PTPRD: variants seen among roughly 807,000 people sequenced by gnomAD.
PTPRD encodes the protein receptor-type tyrosine-protein phosphatase delta.
Under a neutral mutation model 214.5 loss-of-function variants are expected in PTPRD, and 34 were observed. That is an observed-to-expected ratio of 0.16 (90% CI 0.12 to 0.21). The LOEUF (loss-of-function observed/expected upper bound fraction) is 0.21, where lower values mean the gene tolerates loss of function less well. PTPRD is among the 10% of genes least tolerant of loss of function. The probability of loss-of-function intolerance (pLI) is 1.00; values close to 1 mark genes in which losing one functional copy is unlikely to be tolerated. For missense variants in PTPRD, 2,545 were observed against 2,398.7 expected (o/e 1.06, Z -1.27); for synonymous variants, 1,128 against 845.7 (o/e 1.33, Z -5.79).
intron 9 of PTPRD, among the ~76,000 whole-genome samples, chr9:9,329,728 G>A (rs868521077): frequency 4.6e-5 from 7 of 152,254 alleles, no homozygotes; most frequent in Non-Finnish European, 1.0e-4. Flanking sequence ...ATGATTTAGA[G>A]GTTTGGTTCT....
At chr9:9,486,914 C>T (rs953987908) in intron 8 of PTPRD, among the ~76,000 whole-genome samples, 1 of 152,128 alleles carries the variant, frequency 6.6e-6, no homozygotes, top group African/African-American at 2.4e-5. Flanking sequence ...AGACACTTCA[C>T]CCGCTCTTAT....
intron 10 of PTPRD, among the ~76,000 whole-genome samples, chr9:9,167,241 T>C (rs111387622): frequency 3.9e-5 from 6 of 152,130 alleles, no homozygotes; most frequent in African/African-American, 1.4e-4. Flanking sequence ...ACCATAGTAA[T>C]GCTCTTCCAT....
intron 2 of PTPRD, among the ~76,000 whole-genome samples, chr9:10,371,037 T>C (rs1207121662): frequency 1.3e-5 from 2 of 152,062 alleles, no homozygotes; most frequent in Admixed American, 6.6e-5. Flanking sequence ...TTTAAAGTTA[T>C]AATGAAAAGC....
intron 25 of PTPRD, 57 bp from the exon 26 acceptor site, chr9:8,497,325 A>G: frequency 1.4e-6 from 2 of 1,429,598 alleles, no homozygotes; most frequent in Admixed American, 4.3e-5. Flanking sequence ...AAGAATTTAA[A>G]GCCTTATACA....
chr9:9,099,014 G>T (rs990472262), intron 10 of PTPRD, among the ~76,000 whole-genome samples: 4 of 152,182 alleles, frequency 2.6e-5, no homozygotes, highest in African/African-American at 9.7e-5. Context: ...AAAATTGAAT[G>T]GGTAATTCTT....
chr9:10,147,791 A>T (rs2099033734), intron 3 of PTPRD, among the ~76,000 whole-genome samples: 1 of 152,138 alleles, frequency 6.6e-6, no homozygotes, highest in African/African-American at 2.4e-5. Flanking sequence ...CAGGCAAGAG[A>T]ATTGCTTGAA....
chr9:10,560,993 G>A (rs550816207), intron 2 of PTPRD, among the ~76,000 whole-genome samples: 8 of 152,206 alleles, frequency 5.3e-5, no homozygotes, highest in East Asian at 3.9e-4. Flanking sequence ...AATTCTGTTC[G>A]GATAAAGTGT....
At chr9:10,352,958 A>G (rs565432031) in intron 2 of PTPRD, among the ~76,000 whole-genome samples, 1 of 152,054 alleles carries the variant, frequency 6.6e-6, no homozygotes, top group East Asian at 1.9e-4. Context: ...CTTATATTCA[A>G]CAGTTTTTGG....
At position 8,521,529 on chromosome 9, in the gene PTPRD, T is replaced by C; in HGVS notation, c.709A>G (p.Arg237Gly). Residue 237 changes from arginine to glycine, a missense_variant, in exon 20 of 46, where the codon AGA becomes GGA. Arg to Gly is a moderately radical substitution (Grantham distance 125). Coordinates refer to ENST00000381196, the MANE Select transcript of PTPRD (RefSeq NM_002839.4). ...TGATTAGTGGGTGGGATAGAGAATC[T>C]TGGTGGGACACGGCGAACTGGAACA... ...ELREVRRVPP[R>G]FSIPPTNHEI... 1 of 1,613,706 alleles carries C rather than the reference T, an allele frequency of 6.2e-7. No homozygotes were observed. The highest frequency in any genetic ancestry group is 8.5e-7 in the Non-Finnish European group (1 of 1,179,746).
intron 4 of PTPRD, among the ~76,000 whole-genome samples, chr9:10,016,106 T>C (rs2096706562): frequency 6.6e-6 from 1 of 152,156 alleles, no homozygotes; most frequent in Admixed American, 6.6e-5. Flanking sequence ...TTAAATCATA[T>C]GTGGTTGGTA....
At position 8,427,657 on chromosome 9, in the gene PTPRD, A is replaced by C. The variant is rs537209365; in HGVS notation, c.4086+8935T>G. On this transcript the variant is annotated intron_variant, in intron 35 of 45. Transcript: ENST00000381196. ...AAGTTTCCATTTCTTTCAGTCTTTT[A>C]TTCTTCTTCTTCTTATTGTTATGAT... 1.5e-4 allele frequency among the ~76,000 whole-genome samples: 23 copies of C among 152,046 alleles called. No individual in the cohort carries two copies. The East Asian group carries it at 3.3e-3, about 22-fold the overall frequency.
At position 9,895,985 on chromosome 9, in the gene PTPRD, A is replaced by C. The variant is rs565310364; in HGVS notation, c.-368+42522T>G. 8.5e-5 allele frequency among the ~76,000 whole-genome samples: 13 copies of C among 152,210 alleles called. No homozygotes were observed. In the East Asian group the frequency reaches 2.5e-3, roughly 29 times the overall value. On this transcript the variant is annotated intron_variant, in intron 5 of 45. Transcript: ENST00000381196. ...CTTACTCAGAGCATGAATGATGGGT[A>C]GCTAAAGGGTCCGTTTGTCACAGTT...
intron 13 of PTPRD, among the ~76,000 whole-genome samples, chr9:8,633,925 A>C (rs1292309643): frequency 1.3e-5 from 2 of 152,036 alleles, no homozygotes; most frequent in Non-Finnish European, 2.9e-5. Flanking sequence ...TCTCATCCTG[A>C]ACAGTATAGA....
At chr9:9,375,174 G>C (rs2060462660) in intron 9 of PTPRD, among the ~76,000 whole-genome samples, 2 of 152,104 alleles carry the variant, frequency 1.3e-5, no homozygotes, top group Non-Finnish European at 2.9e-5. Flanking sequence ...ACATCATACT[G>C]AAAGACAATG....
At position 8,837,294 on chromosome 9, in the gene PTPRD, C is replaced by T. The variant is rs561380818; in HGVS notation, c.-103-103348G>A. Among the ~76,000 whole-genome samples, 23 of 151,926 alleles carry T rather than the reference C, an allele frequency of 1.5e-4. No individual in the cohort carries two copies. In the South Asian group the frequency reaches 2.3e-3, roughly 15 times the overall value. On this transcript the variant is annotated intron_variant, in intron 11 of 45. Coordinates refer to ENST00000381196, the MANE Select transcript of PTPRD (RefSeq NM_002839.4). The stretch of plus-strand genomic sequence containing the variant: ...CCTCCCGAAGTGCTGGGATTACAGG[C>T]GTGAGCCACTGCGCCTGACAAGAAC...
intron 11 of PTPRD, among the ~76,000 whole-genome samples, chr9:8,933,293 G>C (rs1417837701): frequency 7.2e-6 from 1 of 138,058 alleles, no homozygotes; most frequent in African/African-American, 2.7e-5. Context: ...GGGAGTTGCA[G>C]ACCAGAGCTG....
intron 8 of PTPRD, among the ~76,000 whole-genome samples, chr9:9,542,482 T>G (rs2077824843): frequency 6.6e-6 from 1 of 151,732 alleles, no homozygotes; most frequent in African/African-American, 2.4e-5. Flanking sequence ...AAATTAACAA[T>G]GCCAAATCAT....
chr9:10,574,667 G>C (rs1463675298), intron 2 of PTPRD, among the ~76,000 whole-genome samples: 1 of 151,748 alleles, frequency 6.6e-6, no homozygotes, highest in East Asian at 1.9e-4. Context: ...TTGAGAAAAT[G>C]AATCATTATA....
intron 9 of PTPRD, among the ~76,000 whole-genome samples, chr9:9,344,849 T>C (rs2048218499): frequency 6.6e-6 from 1 of 152,050 alleles, no homozygotes; most frequent in Non-Finnish European, 1.5e-5. Context: ...AAAAATGAGA[T>C]GTACCTGTGG....
Sources: gnomAD v4.1 joint callset for allele counts (sites outside exome capture counted in the v4.1 genomes callset) on GRCh38, gnomAD v4.1.1 for gene constraint, MANE v1.5 for transcripts, NCBI Gene and HGNC (gene_info 2026-07-23, HGNC 2026-07-21) for gene names.